MYOM3: variants seen among roughly 807,000 people sequenced by gnomAD.
The protein encoded by MYOM3 is myomesin 3, also known as myomesin-3.
Under a neutral mutation model 191.7 loss-of-function variants are expected in MYOM3, and 155 were observed. The observed-to-expected ratio is 0.81, with a 90% confidence interval of 0.71 to 0.92. The LOEUF (loss-of-function observed/expected upper bound fraction) is 0.92, where lower values mean the gene tolerates loss of function less well. Ranked by LOEUF, MYOM3 falls within the 40% of genes least tolerant of loss-of-function variation. The pLI is 0.00. For synonymous variants in MYOM3, 757 were observed against 762.9 expected (o/e 0.99, Z 0.13); for missense variants, 1,889 against 1,890.6 (o/e 1.00, Z 0.02).
At chr1:24,057,656 C>G (rs780915510) in intron 36 of MYOM3, 29 bp from the exon 37 acceptor site, 1 of 1,603,744 alleles carries the variant, frequency 6.2e-7, no homozygotes. Context: ...AGGGAACAGT[C>G]TCACCTCCTT....
At chr1:24,078,475 G>A (rs1273857112) in intron 20 of MYOM3, among the ~76,000 whole-genome samples, 3 of 152,126 alleles carry the variant, frequency 2.0e-5, no homozygotes, top group African/African-American at 2.4e-5. Context: ...GACATGCACC[G>A]TATCCTATTT....
chr1:24,072,292 G>A (rs1434984138), intron 23 of MYOM3, among the ~76,000 whole-genome samples: 1 of 152,126 alleles, frequency 6.6e-6, no homozygotes, highest in Non-Finnish European at 1.5e-5. Context: ...CCTCCCTAGA[G>A]GAGCACCTAC....
At chr1:24,096,679 C>T (rs1042731302) in intron 7 of MYOM3, among the ~76,000 whole-genome samples, 2 of 152,118 alleles carry the variant, frequency 1.3e-5, no homozygotes, top group Admixed American at 6.5e-5. Flanking sequence ...GTCTACTGCC[C>T]AAGACAGCTG....
chr1:24,063,519 T>C lies in MYOM3; in HGVS notation c.3634A>G (p.Ile1212Val). Reference protein sequence around the residue: ...LDLTGDALDAIFTELGRIGAL... With the variant: ...LDLTGDALDAVFTELGRIGAL... ...CCAATCCTGCCCAACTCGGTGAAGA[T>C]GGCATCCAGGGCTGGCGGGAAACAG... Residue 1212 changes from isoleucine to valine, a missense_variant, in exon 31 of 37, where the codon ATC becomes GTC. Transcript: ENST00000374434. The surrounding 1 kb of genome is among the most constrained non-coding windows in gnomAD (Gnocchi z 4.5). 6.2e-7 allele frequency: 1 copy of C among 1,614,110 alleles called. No individual in the cohort carries two copies. The highest frequency in any genetic ancestry group is 2.2e-5 in the East Asian group (1 of 44,874).
intron 23 of MYOM3, among the ~76,000 whole-genome samples, chr1:24,073,016 G>C (rs1643550708): frequency 6.6e-6 from 1 of 152,178 alleles, no homozygotes; most frequent in Admixed American, 6.5e-5. Context: ...CTAGATTCAT[G>C]GCAAGCACAC....
chr1:24,060,373 A>G (rs1449598435), intron 35 of MYOM3, among the ~76,000 whole-genome samples: 2 of 152,222 alleles, frequency 1.3e-5, no homozygotes, highest in Admixed American at 6.5e-5. Flanking sequence ...GATGCCACGC[A>G]GAGCGAATTA....
chr1:24,082,753 A>ATGGAT, intron 16 of MYOM3, 39 bp from the exon 17 acceptor site: 1 of 1,540,766 alleles, frequency 6.5e-7, no homozygotes. Flanking sequence ...ATGTACAAAC[A>ATGGAT]GCCTGGAGAC....
Position 24,099,619 on chromosome 1 carries a change from G to T in MYOM3, c.656+61C>A, listed in dbSNP as rs113113134. The T allele has an allele frequency of 3.3e-5, 45 of 1,349,282 alleles. No homozygotes were observed. The African/African-American group carries it at 3.5e-4, about 10-fold the overall frequency. The allele number at this position is 1,349,282 out of a possible 1,614,324, so 83.6% of individuals were successfully genotyped here. On this transcript the variant is annotated intron_variant, in intron 6 of 36. Coordinates refer to ENST00000374434, the MANE Select transcript of MYOM3 (RefSeq NM_152372.4). ...GCTCCGAGGAAGGGTTTGGGATCCTGCTCTGGCCTCGGCGGTGGCAGGGTC... is the reference window on the plus strand; with the variant it reads ...GCTCCGAGGAAGGGTTTGGGATCCTTCTCTGGCCTCGGCGGTGGCAGGGTC...
intron 4 of MYOM3, among the ~76,000 whole-genome samples, chr1:24,106,696 C>A (rs1643985867): frequency 6.6e-6 from 1 of 152,076 alleles, no homozygotes; most frequent in Non-Finnish European, 1.5e-5. Flanking sequence ...GATTCTCCTG[C>A]CTCAGCCTCC....
At chr1:24,057,947 C>G (rs898422962) in intron 36 of MYOM3, among the ~76,000 whole-genome samples, 1 of 152,112 alleles carries the variant, frequency 6.6e-6, no homozygotes, top group African/African-American at 2.4e-5. Flanking sequence ...GTTGGGGTTA[C>G]AGGTGCCCGC....
At position 24,081,987 on chromosome 1, in the gene MYOM3, C is replaced by T. The variant is rs1643674992; in HGVS notation, c.2280+14G>A. The T allele has an allele frequency of 6.2e-7, 1 of 1,601,054 alleles. No homozygotes were observed. The highest frequency in any genetic ancestry group is 1.1e-5 in the South Asian group (1 of 88,568). On this transcript the variant is annotated intron_variant, in intron 18 of 36. Transcript: ENST00000374434. ...CAAGTCATGACACAGGCTGGGGCCA[C>T]CTTCCAGCCCTACCTTGCAGACCCG...
intron 23 of MYOM3, 58 bp from the exon 24 acceptor site, chr1:24,072,071 T>G (rs1643538459): frequency 1.7e-5 from 26 of 1,514,684 alleles, no homozygotes; most frequent in Middle Eastern, 1.7e-4. Flanking sequence ...TGGTCGGGGG[T>G]GGGGGGCCCA....
intron 29 of MYOM3, 143 bp downstream of exon 29, chr1:24,065,748 G>A (rs769748084): frequency 1.4e-6 from 1 of 717,318 alleles, no homozygotes. Flanking sequence ...TGAGTTTTTT[G>A]GTGCCTCTTA....
chr1:24,067,625 C>T (rs1006391435), intron 27 of MYOM3, among the ~76,000 whole-genome samples: 13 of 151,836 alleles, frequency 8.6e-5, no homozygotes, highest in Admixed American at 8.5e-4. Flanking sequence ...CCATGCTCGG[C>T]TAATTTTTGT....
chr1:24,099,485 C>G (rs1643896382), intron 6 of MYOM3, among the ~76,000 whole-genome samples, 195 bp downstream of exon 6: 1 of 141,820 alleles, frequency 7.1e-6, no homozygotes, highest in Non-Finnish European at 1.5e-5. Context: ...CCATTCCAGA[C>G]CTGCTTAATC....
At chr1:24,074,606 G>A (rs963763199) in intron 22 of MYOM3, among the ~76,000 whole-genome samples, 1 of 152,218 alleles carries the variant, frequency 6.6e-6, no homozygotes, top group African/African-American at 2.4e-5. Context: ...GGGGGCATGT[G>A]ACAGGGGCCC....
chr1:24,090,223 C>A, intron 12 of MYOM3, 105 bp from the exon 13 acceptor site: 2 of 917,784 alleles, frequency 2.2e-6, no homozygotes, highest in Middle Eastern at 2.3e-4. Flanking sequence ...CCAGTCCTGG[C>A]CTTGCAGCCC....
Position 24,063,271 on chromosome 1 carries a change from G to A in MYOM3, c.3662-37C>T, listed in dbSNP as rs1373983718. 6.5e-7 allele frequency: 1 copy of A among 1,549,610 alleles called. No individual in the cohort carries two copies. The highest frequency in any genetic ancestry group is 1.7e-5 in the Admixed American group (1 of 59,686). On this transcript the variant is annotated intron_variant, in intron 31 of 36. Transcript: ENST00000374434. The surrounding 1 kb of genome is among the most constrained non-coding windows in gnomAD (Gnocchi z 4.5). The stretch of plus-strand genomic sequence containing the variant: ...GAGGAGAAGGATGAATCTTCCCTGA[G>A]GCCATTTAGGCATCAGATTTTGGGG...
At chr1:24,058,076 G>A (rs1297728546) in intron 36 of MYOM3, among the ~76,000 whole-genome samples, 1 of 152,116 alleles carries the variant, frequency 6.6e-6, no homozygotes, top group Non-Finnish European at 1.5e-5. Flanking sequence ...CAAAGTGCTG[G>A]GATTACAGGC....
Sources: gnomAD v4.1 joint callset for allele counts (sites outside exome capture counted in the v4.1 genomes callset) on GRCh38, gnomAD v4.1.1 for gene constraint, Gnocchi (gnomAD v3.1) non-coding constraint, MANE v1.5 for transcripts, NCBI Gene and HGNC (gene_info 2026-07-23, HGNC 2026-07-21) for gene names.